Variants in GRK5 observed in about 807,000 individuals in gnomAD.
GRK5 encodes the protein g protein-coupled receptor kinase GRK5.
GRK5 carries 40 observed loss-of-function variants against 78.4 expected under a neutral mutation model. That is an observed-to-expected ratio of 0.51 (90% CI 0.40 to 0.66). The LOEUF is 0.66. Ranked by LOEUF, GRK5 falls within the 30% of genes least tolerant of loss-of-function variation. The pLI, the probability that GRK5 is intolerant of heterozygous loss-of-function variation, is 0.00. For missense variants in GRK5, 598 were observed against 759.9 expected (o/e 0.79, Z 2.50); for synonymous variants, 289 against 296.8 (o/e 0.97, Z 0.27).
intron 1 of GRK5, among the ~76,000 whole-genome samples, chr10:119,245,366 AAAC>A (rs1213093845): frequency 6.6e-6 from 1 of 152,214 alleles, no homozygotes; most frequent in Non-Finnish European, 1.5e-5. Flanking sequence ...CGAGAGGTGG[AAAC>A]AACCTCAAAG....
intron 1 of GRK5, among the ~76,000 whole-genome samples, chr10:119,316,096 A>G (rs10886454): frequency 0.69 from 105,470 of 151,932 alleles, 38,186 homozygotes; most frequent in Non-Finnish European, 0.79. Context: ...AATGGGGGTG[A>G]TAGTTTCTGT....
chr10:119,306,754 C>T (rs1219215532), intron 1 of GRK5, among the ~76,000 whole-genome samples: 1 of 152,094 alleles, frequency 6.6e-6, no homozygotes, highest in East Asian at 1.9e-4. Context: ...GCAGGTGTTT[C>T]CTGCAGACAT....
At chr10:119,448,411 G>A in intron 13 of GRK5, 151 bp downstream of exon 13, 1 of 883,036 alleles carries the variant, frequency 1.1e-6, no homozygotes, top group South Asian at 1.9e-5. Flanking sequence ...CCTCACCTAA[G>A]CTGCAGATGA....
rs150967017 is a variant in GRK5 at position 119,417,869 on chromosome 10, G to A, written c.340-5297G>A. On this transcript the variant is annotated intron_variant, in intron 4 of 15. Coordinates refer to ENST00000392870, the MANE Select transcript of GRK5 (RefSeq NM_005308.3). ...CAAGTGATGGGAAGAGCTTTTCTCC[G>A]TGCCCTGTGGTGCCCAGAAAAACAT... is the stretch of plus-strand genomic sequence containing the variant. Among the ~76,000 whole-genome samples the A allele has an allele frequency of 4.7e-3, 722 of 152,250 alleles. 4 individuals are homozygous for A. Among genetic ancestry groups the A allele is most frequent in the Middle Eastern group, 0.014 (4 of 294 alleles).
chr10:119,395,462 G>A (rs1852032607), intron 3 of GRK5, among the ~76,000 whole-genome samples: 1 of 152,196 alleles, frequency 6.6e-6, no homozygotes, highest in South Asian at 2.1e-4. Context: ...CGCCTGGGGA[G>A]GAGTTCGGGT....
At chr10:119,259,506 G>C (rs750738353) in intron 1 of GRK5, among the ~76,000 whole-genome samples, 1 of 152,234 alleles carries the variant, frequency 6.6e-6, no homozygotes, top group Non-Finnish European at 1.5e-5. Flanking sequence ...AAATTGGTTG[G>C]TGAGTTAGTC....
rs115443275 is a variant in GRK5, at chr10:119,337,573, C to T, written c.148+10962C>T. Among the ~76,000 whole-genome samples, 202 of 152,266 alleles carry T rather than the reference C, an allele frequency of 1.3e-3. 1 individual carries two copies. Among genetic ancestry groups the T allele is most frequent in the African/African-American group, 4.5e-3 (186 of 41,552 alleles). Reference sequence around the variant, plus strand: ...CCCTATCCCTGTCTTCACCTTCACTCGGTCTTCTACCTGTGTGAATGTCTG... The same window carrying T: ...CCCTATCCCTGTCTTCACCTTCACTTGGTCTTCTACCTGTGTGAATGTCTG... On this transcript the variant is annotated intron_variant, in intron 2 of 15. Coordinates refer to ENST00000392870, the MANE Select transcript of GRK5 (RefSeq NM_005308.3).
chr10:119,246,066 A>G (rs1457330988), intron 1 of GRK5, among the ~76,000 whole-genome samples: 4 of 150,840 alleles, frequency 2.7e-5, no homozygotes, highest in Non-Finnish European at 5.9e-5. Context: ...TAAATTTGTT[A>G]AGAGAACAGA....
At chr10:119,429,015 G>C (rs917331682) in intron 6 of GRK5, among the ~76,000 whole-genome samples, 1 of 152,254 alleles carries the variant, frequency 6.6e-6, no homozygotes, top group Non-Finnish European at 1.5e-5. Context: ...GGGGGCGGCT[G>C]TAGGGAAGGC....
At position 119,207,977 on chromosome 10, in the gene GRK5, G is replaced by A; in HGVS notation, c.52+8G>A. The A allele has an allele frequency of 1.9e-6, 3 of 1,603,120 alleles. No homozygotes were observed. Among genetic ancestry groups the A allele is most frequent in the Non-Finnish European group, 2.6e-6 (3 of 1,175,820 alleles). On this transcript the variant is annotated splice_region_variant and intron_variant, in intron 1 of 15. Coordinates refer to ENST00000392870, the MANE Select transcript of GRK5 (RefSeq NM_005308.3). ...TGCTGAAAGCCAGGGAAGGTAAGAG[G>A]CAGGGCCGGTACGTGCCCGGCGCGT...
chr10:119,228,225 G>T (rs1236763555), intron 1 of GRK5, among the ~76,000 whole-genome samples: 1 of 152,020 alleles, frequency 6.6e-6, no homozygotes, highest in African/African-American at 2.4e-5. Flanking sequence ...TGCGCCTGAA[G>T]TCCCAGCTAC....
intron 4 of GRK5, among the ~76,000 whole-genome samples, chr10:119,415,603 C>T (rs545371161): frequency 2.0e-5 from 3 of 152,282 alleles, no homozygotes; most frequent in Non-Finnish European, 4.4e-5. Flanking sequence ...GGGTAGTCAG[C>T]TGGGGATGGA....
At chr10:119,320,199 G>A (rs1320588089) in intron 1 of GRK5, among the ~76,000 whole-genome samples, 1 of 152,242 alleles carries the variant, frequency 6.6e-6, no homozygotes, top group East Asian at 1.9e-4. Flanking sequence ...TGGATGTAAA[G>A]CATGACACTT....
At chr10:119,275,611 T>TCTCTCC (rs574879389) in intron 1 of GRK5, among the ~76,000 whole-genome samples, 2 of 123,912 alleles carry the variant, frequency 1.6e-5, no homozygotes, top group African/African-American at 7.0e-5. Flanking sequence ...TCTCTCTCTC[T>TCTCTCC]CGCACACACA....
chr10:119,423,414 C>A, intron 5 of GRK5, 148 bp downstream of exon 5: 1 of 607,970 alleles, frequency 1.6e-6, no homozygotes, highest in Non-Finnish European at 3.0e-6. Context: ...GTATACTTCC[C>A]ACGAAGAGAA....
At chr10:119,221,291 G>A (rs1487749855) in intron 1 of GRK5, among the ~76,000 whole-genome samples, 1 of 152,190 alleles carries the variant, frequency 6.6e-6, no homozygotes, top group Non-Finnish European at 1.5e-5. Flanking sequence ...CTCTGTATAT[G>A]CACATACGAA....
chr10:119,399,396 C>T (rs1031883148), intron 4 of GRK5, among the ~76,000 whole-genome samples: 2 of 152,202 alleles, frequency 1.3e-5, no homozygotes, highest in South Asian at 2.1e-4. Context: ...AGGAGCTGAG[C>T]GAGTGACTGA....
At chr10:119,313,051 TAA>T (rs1850401836) in intron 1 of GRK5, among the ~76,000 whole-genome samples, 1 of 149,530 alleles carries the variant, frequency 6.7e-6, no homozygotes. Context: ...GTGGTGGTGG[TAA>T]TGATGATGGT....
chr10:119,294,403 G>A (rs538139000), intron 1 of GRK5, among the ~76,000 whole-genome samples: 1 of 152,154 alleles, frequency 6.6e-6, no homozygotes, highest in Non-Finnish European at 1.5e-5. Flanking sequence ...CTGGGTTGCA[G>A]GGAAATGTTG....
Sources: gnomAD v4.1 joint callset for allele counts (sites outside exome capture counted in the v4.1 genomes callset) on GRCh38, gnomAD v4.1.1 for gene constraint, MANE v1.5 for transcripts, NCBI Gene and HGNC (gene_info 2026-07-23, HGNC 2026-07-21) for gene names.